Variants in DMD observed in about 807,000 individuals in gnomAD.
DMD encodes the protein mutant dystrophin.
DMD carries 63 observed loss-of-function variants against 330.1 expected under a neutral mutation model. The observed-to-expected ratio is 0.19, with a 90% CI of 0.16 to 0.24. DMD has a LOEUF of 0.24. Ranked by LOEUF, DMD falls within the 10% of genes least tolerant of loss-of-function variation. DMD has a pLI of 1.00. For missense variants in DMD, 3,344 were observed against 2,684.1 expected (o/e 1.25, Z -5.43); for synonymous variants, 1,223 against 959.8 (o/e 1.27, Z -5.07).
At chrX:32,900,419 G>A (rs761398122) in intron 2 of DMD, among the ~76,000 whole-genome samples, 3 of 111,568 alleles carry the variant, frequency 2.7e-5, no homozygotes, top group African/African-American at 9.8e-5. Context: ...ATAGCTCTCA[G>A]TCTAACCTTG....
chrX:32,596,219 C>T (rs2149266691), intron 12 of DMD, among the ~76,000 whole-genome samples: 1 of 109,477 alleles, frequency 9.1e-6, no homozygotes, highest in African/African-American at 3.3e-5. Context: ...TACTGAACTT[C>T]TCCATTACCA....
intron 34 of DMD, among the ~76,000 whole-genome samples, chrX:32,366,485 C>T (rs1269140734): frequency 8.9e-6 from 1 of 112,182 alleles, no homozygotes; most frequent in Non-Finnish European, 1.9e-5. Context: ...TGAGAAACAG[C>T]AATAACAGGA....
intron 62 of DMD, among the ~76,000 whole-genome samples, chrX:31,265,796 GGT>G (rs1450921049): frequency 0.022 from 1,101 of 50,048 alleles, 3 homozygotes; most frequent in Middle Eastern, 0.026. Context: ...GGGGGGGGGG[GGT>G]GGGTGACAAG....
chrX:32,615,915 T>G (rs1386662306), intron 11 of DMD, among the ~76,000 whole-genome samples: 1 of 111,734 alleles, frequency 8.9e-6, no homozygotes. Flanking sequence ...TTTTTTGTAT[T>G]TCAGTATCTC....
chrX:31,773,971 T>G lies in DMD; in HGVS notation c.7531A>C (p.Ile2511Leu). 1 of 1,206,163 alleles carries G rather than the reference T, an allele frequency of 8.3e-7. No individual in the cohort carries two copies. Among genetic ancestry groups the G allele is most frequent in the Non-Finnish European group, 1.1e-6 (1 of 891,334 alleles). Reference sequence around the variant, plus strand: ...ATTTTTTCTCATACCTTCTGCTTGATGATCATCTCGTTGATATCCTCAAGG... The same window carrying G: ...ATTTTTTCTCATACCTTCTGCTTGAGGATCATCTCGTTGATATCCTCAAGG... ...GDLEDINEMI[I>L]KQKATMQDLE... Residue 2511 changes from isoleucine to leucine, a missense_variant, in exon 51 of 79, where the codon ATC becomes CTC. Coordinates refer to ENST00000357033, the MANE Select transcript of DMD (RefSeq NM_004006.3).
At chrX:32,451,002 A>G (rs1377982799) in intron 26 of DMD, among the ~76,000 whole-genome samples, 1 of 111,131 alleles carries the variant, frequency 9.0e-6, no homozygotes, top group African/African-American at 3.3e-5. Flanking sequence ...TGACTGGTAC[A>G]GTTTCTATAC....
intron 55 of DMD, among the ~76,000 whole-genome samples, chrX:31,594,400 T>C (rs950682449): frequency 2.7e-5 from 3 of 111,258 alleles, no homozygotes; most frequent in African/African-American, 6.5e-5. Context: ...GTGTCTATAA[T>C]ACAAGTTTAA....
intron 16 of DMD, among the ~76,000 whole-genome samples, chrX:32,547,735 G>A (rs993519079): frequency 9.0e-6 from 1 of 110,802 alleles, no homozygotes; most frequent in Non-Finnish European, 1.9e-5. Context: ...GAGGGACTAC[G>A]AAGGCCATTT....
intron 64 of DMD, among the ~76,000 whole-genome samples, chrX:31,220,443 C>T (rs1162074063): frequency 8.9e-6 from 1 of 111,964 alleles, no homozygotes; most frequent in African/African-American, 3.2e-5. Context: ...TTTATGCTGA[C>T]ATCCCAGCAA....
At chrX:32,908,753 G>C (rs950355637) in intron 2 of DMD, among the ~76,000 whole-genome samples, 1 of 111,514 alleles carries the variant, frequency 9.0e-6, no homozygotes, top group African/African-American at 3.3e-5. Flanking sequence ...CTATGAAAGG[G>C]CTCAAATACC....
At chrX:31,168,280 G>GC (rs1414090795) in intron 74 of DMD, among the ~76,000 whole-genome samples, 2 of 111,526 alleles carry the variant, frequency 1.8e-5, no homozygotes, top group African/African-American at 6.5e-5. Context: ...GGGTTTGAAC[G>GC]CCCCACTAAG....
chrX:33,127,117 A>G (rs2095469812), intron 1 of DMD, among the ~76,000 whole-genome samples: 1 of 110,552 alleles, frequency 9.0e-6, no homozygotes, highest in Non-Finnish European at 1.9e-5. Flanking sequence ...CTTTATTCCC[A>G]ACACACGTTT....
chrX:31,993,457 G>A (rs1026324338), intron 44 of DMD, among the ~76,000 whole-genome samples: 15 of 110,977 alleles, frequency 1.4e-4, no homozygotes, highest in African/African-American at 4.9e-4. Context: ...TTTTTAATAC[G>A]CTAATGTCAG....
chrX:31,794,502 T>C (rs762723028), intron 50 of DMD, among the ~76,000 whole-genome samples: 1 of 111,932 alleles, frequency 8.9e-6, no homozygotes, highest in South Asian at 3.7e-4. Context: ...ATTAAGAACC[T>C]CTGATCTAGC....
chrX:32,956,376 T>A (rs1054719981), intron 2 of DMD, among the ~76,000 whole-genome samples: 21 of 111,975 alleles, frequency 1.9e-4, no homozygotes, highest in African/African-American at 6.2e-4. Flanking sequence ...CACGTAGAGA[T>A]CTTTCACCCC....
chrX:31,983,824 G>T (rs924320407), intron 44 of DMD, among the ~76,000 whole-genome samples: 12 of 111,882 alleles, frequency 1.1e-4, no homozygotes, highest in Admixed American at 6.6e-4. Flanking sequence ...TCCACGTGAA[G>T]TATGAGGTCA....
intron 44 of DMD, among the ~76,000 whole-genome samples, chrX:32,167,275 G>A (rs1363126971): frequency 8.9e-6 from 1 of 112,528 alleles, no homozygotes; most frequent in South Asian, 3.6e-4. Context: ...TAATTCAAAT[G>A]CTTAGAGTTG....
intron 2 of DMD, among the ~76,000 whole-genome samples, chrX:32,955,660 T>C (rs2091534201): frequency 8.9e-6 from 1 of 112,109 alleles, no homozygotes; most frequent in Admixed American, 9.5e-5. Context: ...CCAGGGTTTT[T>C]ATAGTTTGAG....
chrX:32,026,823 A>G (rs1478080186), intron 44 of DMD, among the ~76,000 whole-genome samples: 1 of 111,941 alleles, frequency 8.9e-6, no homozygotes, highest in African/African-American at 3.3e-5. Context: ...TTCTCTACCC[A>G]GTAATTCAGG....
Sources: allele counts gnomAD v4.1 joint callset (sites outside exome capture counted in the v4.1 genomes callset), GRCh38; gene constraint gnomAD v4.1.1; transcripts MANE v1.5; gene names NCBI Gene and HGNC (gene_info 2026-07-23, HGNC 2026-07-21).